TASP1: variants seen among roughly 807,000 people sequenced by gnomAD.
The protein encoded by TASP1 is taspase 1.
A neutral mutation model predicts 56.6 loss-of-function variants in TASP1; 16 were observed. The ratio of observed to expected loss-of-function variants is 0.28; its 90% CI spans 0.19 to 0.43. The LOEUF (loss-of-function observed/expected upper bound fraction) is 0.43, where lower values mean the gene tolerates loss of function less well. Ranked by LOEUF, TASP1 falls within the 20% of genes least tolerant of loss-of-function variation. The pLI is 1.00. For synonymous variants in TASP1, 179 were observed against 184.2 expected, an observed-to-expected ratio of 0.97 and a Z score of 0.23; for missense variants, 393 against 511.6, an observed-to-expected ratio of 0.77 and a Z score of 2.24.
the TASP1 span, among the ~76,000 whole-genome samples, chr20:13,273,001 T>C: frequency 8.5e-5 from 13 of 152,302 alleles, no homozygotes; most frequent in South Asian, 6.2e-4. Flanking sequence ...ATCAGTGTAA[T>C]TGATTTAAGA....
At chr20:13,448,637 A>C (rs1301811828) in intron 11 of TASP1, among the ~76,000 whole-genome samples, 1 of 152,144 alleles carries the variant, frequency 6.6e-6, no homozygotes, top group Non-Finnish European at 1.5e-5. Context: ...AAAATACGCA[A>C]GTAGACTTGT....
At chr20:13,198,857 T>C in the TASP1 span, among the ~76,000 whole-genome samples, 1 of 134,118 alleles carries the variant, frequency 7.5e-6, no homozygotes, top group East Asian at 2.1e-4. Context: ...TTTCTTTCTT[T>C]CCTTCCTTCC....
At chr20:13,176,452 C>T in the TASP1 span, among the ~76,000 whole-genome samples, 1 of 152,166 alleles carries the variant, frequency 6.6e-6, no homozygotes, top group Non-Finnish European at 1.5e-5. Context: ...GCTTTTTCTG[C>T]ATCTATCAAG....
At chr20:13,594,212 C>G (rs1366329468) in intron 4 of TASP1, among the ~76,000 whole-genome samples, 1 of 152,138 alleles carries the variant, frequency 6.6e-6, no homozygotes, top group East Asian at 1.9e-4. Context: ...CACCAAAAAC[C>G]CCATCTGTAG....
chr20:13,600,082 C>T (rs918624144), intron 4 of TASP1, among the ~76,000 whole-genome samples: 1 of 151,948 alleles, frequency 6.6e-6, no homozygotes, highest in African/African-American at 2.4e-5. Context: ...ATAATACATA[C>T]AAGATCTGTA....
intron 11 of TASP1, among the ~76,000 whole-genome samples, chr20:13,465,860 G>C (rs2044235127): frequency 6.6e-6 from 1 of 152,056 alleles, no homozygotes; most frequent in African/African-American, 2.4e-5. Context: ...TGATAGTCAG[G>C]TGATGTGGTT....
the TASP1 span, among the ~76,000 whole-genome samples, chr20:13,199,443 T>C: frequency 2.0e-5 from 3 of 152,084 alleles, no homozygotes; most frequent in African/African-American, 7.2e-5. Context: ...GTGCTTCTAC[T>C]ACCCAACAGT....
the TASP1 span, chr20:13,279,574 G>T: frequency 6.6e-7 from 1 of 1,526,006 alleles, no homozygotes; most frequent in Non-Finnish European, 8.9e-7. Flanking sequence ...TCTTCCAAGG[G>T]TCATGTAGCT....
At chr20:13,495,218 T>C (rs1014420547) in intron 10 of TASP1, among the ~76,000 whole-genome samples, 3 of 152,130 alleles carry the variant, frequency 2.0e-5, no homozygotes, top group African/African-American at 7.2e-5. Flanking sequence ...CTTTAAAAGC[T>C]GAAAAGGAAG....
rs573279024 is a variant in TASP1 at position 13,630,162 on chromosome 20, A to G, written c.-74-10T>C. The G allele has an allele frequency of 1.5e-5, 22 of 1,447,368 alleles. No homozygotes were observed. In the South Asian group the frequency reaches 3.1e-4, roughly 20 times the overall value. 89.7% of individuals were successfully genotyped at this position (1,447,368 alleles called of 1,614,324 possible). A position where few individuals can be genotyped will look rare whatever the true frequency, so the allele number is the denominator to read the frequency against. On this transcript the variant is annotated splice_polypyrimidine_tract_variant and intron_variant, in intron 1 of 13. Transcript: ENST00000337743. ...CAGGAGAGGAATTACCCTAAAGGAA[A>G]ACAGGCAAAGATGGTATACATTTCT...
At chr20:13,202,393 CT>C in the TASP1 span, among the ~76,000 whole-genome samples, 2 of 152,132 alleles carry the variant, frequency 1.3e-5, no homozygotes, top group Non-Finnish European at 2.9e-5. Flanking sequence ...TTGAGTATTA[CT>C]TTTGCTTGTA....
chr20:13,438,926 T>C (rs2043114081), intron 11 of TASP1, among the ~76,000 whole-genome samples: 3 of 152,276 alleles, frequency 2.0e-5, no homozygotes, highest in East Asian at 1.9e-4. Context: ...CACTGGCCAT[T>C]AGAGAAATGC....
chr20:13,145,769 A>G, the TASP1 span, among the ~76,000 whole-genome samples: 2 of 152,228 alleles, frequency 1.3e-5, no homozygotes, highest in Non-Finnish European at 2.9e-5. Context: ...CCAAAACAGC[A>G]TGATACTGGT....
chr20:13,160,552 T>C, the TASP1 span, among the ~76,000 whole-genome samples: 1 of 152,132 alleles, frequency 6.6e-6, no homozygotes, highest in Non-Finnish European at 1.5e-5. Flanking sequence ...CAAGAACAAA[T>C]CTACATTACA....
the TASP1 span, among the ~76,000 whole-genome samples, chr20:13,180,221 A>G: frequency 1.3e-5 from 2 of 152,210 alleles, no homozygotes; most frequent in African/African-American, 4.8e-5. Flanking sequence ...ACATATCACA[A>G]GATACAAACA....
chr20:13,268,936 A>C, the TASP1 span, among the ~76,000 whole-genome samples: 1 of 152,284 alleles, frequency 6.6e-6, no homozygotes, highest in Non-Finnish European at 1.5e-5. Flanking sequence ...CATAAATAAA[A>C]GTAAAAATAA....
At chr20:13,208,931 C>T in the TASP1 span, among the ~76,000 whole-genome samples, 2 of 152,192 alleles carry the variant, frequency 1.3e-5, no homozygotes, top group Non-Finnish European at 2.9e-5. Context: ...TGTTATGCAT[C>T]GGTAGTTACT....
chr20:13,175,678 G>A, the TASP1 span, among the ~76,000 whole-genome samples: 1 of 152,190 alleles, frequency 6.6e-6, no homozygotes, highest in African/African-American at 2.4e-5. Flanking sequence ...GAATTTTCAT[G>A]GGAAGAGATT....
chr20:13,520,155 C>T (rs1033789276), intron 10 of TASP1, among the ~76,000 whole-genome samples: 5 of 152,200 alleles, frequency 3.3e-5, no homozygotes, highest in African/African-American at 1.2e-4. Flanking sequence ...ATTCCATGCT[C>T]ATGGGTAGGA....
Sources: allele counts gnomAD v4.1 joint callset (sites outside exome capture counted in the v4.1 genomes callset), GRCh38; gene constraint gnomAD v4.1.1; transcripts MANE v1.5; gene names NCBI Gene and HGNC (gene_info 2026-07-23, HGNC 2026-07-21).